The following PTPRD variants were observed in gnomAD, a reference collection of about 807,000 sequenced individuals.
The protein encoded by PTPRD is protein tyrosine phosphatase receptor type D, also known as receptor-type tyrosine-protein phosphatase delta.
In PTPRD, 34 loss-of-function variants were observed where a neutral mutation model predicts 214.5. The ratio of observed to expected loss-of-function variants is 0.16; its 90% CI spans 0.12 to 0.21. PTPRD has a LOEUF of 0.21. Ranked by LOEUF, PTPRD falls within the 10% of genes least tolerant of loss-of-function variation. The pLI, the probability that PTPRD is intolerant of heterozygous loss-of-function variation, is 1.00. For synonymous variants in PTPRD, 1,128 were observed against 845.7 expected (o/e 1.33, Z -5.79); for missense variants, 2,545 against 2,398.7 (o/e 1.06, Z -1.27).
intron 11 of PTPRD, among the ~76,000 whole-genome samples, chr9:8,966,369 CCAAAACAG>C (rs1396265646): frequency 2.0e-5 from 3 of 151,790 alleles, no homozygotes; most frequent in African/African-American, 7.3e-5. Flanking sequence ...TCTACAGTAA[CCAAAACAG>C]CATGGTACTG....
intron 9 of PTPRD, among the ~76,000 whole-genome samples, chr9:9,366,053 G>C (rs2057798983): frequency 6.6e-6 from 1 of 151,236 alleles, no homozygotes. Flanking sequence ...AAGTTCTGAG[G>C]CTACAAAAAT....
intron 39 of PTPRD, among the ~76,000 whole-genome samples, chr9:8,346,325 A>G (rs1344511843): frequency 2.0e-5 from 3 of 152,166 alleles, no homozygotes; most frequent in Non-Finnish European, 2.9e-5. Context: ...GGTAATATAT[A>G]AAACTCATTG....
chr9:10,432,260 G>T (rs1031256372), intron 2 of PTPRD, among the ~76,000 whole-genome samples: 1 of 134,226 alleles, frequency 7.5e-6, no homozygotes, highest in Non-Finnish European at 1.5e-5. Context: ...CACAGGAAGG[G>T]GAATATCACA....
At chr9:8,985,034 G>C (rs905370979) in intron 11 of PTPRD, among the ~76,000 whole-genome samples, 3 of 152,026 alleles carry the variant, frequency 2.0e-5, no homozygotes, top group African/African-American at 7.2e-5. Flanking sequence ...TTTCTTGCAA[G>C]CTCAATTTTT....
intron 35 of PTPRD, among the ~76,000 whole-genome samples, chr9:8,416,271 T>C (rs1375596890): frequency 6.6e-6 from 1 of 152,148 alleles, no homozygotes; most frequent in East Asian, 1.9e-4. Flanking sequence ...TTAAAATATA[T>C]ACATATGTAT....
At chr9:9,454,627 A>G (rs2092728398) in intron 8 of PTPRD, among the ~76,000 whole-genome samples, 1 of 151,766 alleles carries the variant, frequency 6.6e-6, no homozygotes, top group Non-Finnish European at 1.5e-5. Context: ...CTCACATGCC[A>G]AAACCAAGAA....
intron 25 of PTPRD, among the ~76,000 whole-genome samples, chr9:8,497,703 A>G (rs183839719): frequency 7.2e-5 from 11 of 152,364 alleles, no homozygotes; most frequent in Non-Finnish European, 1.2e-4. Flanking sequence ...AGAGTCAAGG[A>G]AAGTAAATGA....
intron 14 of PTPRD, among the ~76,000 whole-genome samples, chr9:8,553,377 G>T (rs554225040): frequency 6.6e-6 from 1 of 152,178 alleles, no homozygotes; most frequent in Admixed American, 6.5e-5. Context: ...GTGGGCCTGA[G>T]TCCCCTGGCG....
chr9:9,454,231 C>CA (rs1361803617), intron 8 of PTPRD, among the ~76,000 whole-genome samples: 2 of 151,496 alleles, frequency 1.3e-5, no homozygotes, highest in African/African-American at 2.4e-5. Flanking sequence ...TTCTGGGGAA[C>CA]AAAAAAAGCC....
chr9:8,654,921 T>G (rs538564041), intron 12 of PTPRD, among the ~76,000 whole-genome samples: 1 of 152,260 alleles, frequency 6.6e-6, no homozygotes, highest in African/African-American at 2.4e-5. Context: ...TCTGTTAGAC[T>G]TTCCCTGTAG....
At chr9:8,609,426 G>T (rs1032375084) in intron 14 of PTPRD, among the ~76,000 whole-genome samples, 1 of 152,162 alleles carries the variant, frequency 6.6e-6, no homozygotes, top group Non-Finnish European at 1.5e-5. Context: ...TTAGATTGAT[G>T]AGTTGTGAAA....
At chr9:9,749,848 G>T (rs1417064933) in intron 6 of PTPRD, among the ~76,000 whole-genome samples, 1 of 152,102 alleles carries the variant, frequency 6.6e-6, no homozygotes, top group Non-Finnish European at 1.5e-5. Context: ...AAAAGAGGAG[G>T]AAGAAAGAAA....
At chr9:9,431,221 AC>A (rs199639412) in intron 8 of PTPRD, among the ~76,000 whole-genome samples, 9,961 of 152,182 alleles carry the variant, frequency 0.065, 356 homozygotes, top group Middle Eastern at 0.17. Context: ...AAATCAAACA[AC>A]CCCGTCAAAA....
chr9:8,962,390 C>T lies in PTPRD; in HGVS notation c.-104+56307G>A, dbSNP rs536199569. ...CCACCTTGGGACTTTCCTATGAAAA[C>T]ATGCAGGACAGATTGTCTCTTTTCA... On this transcript the variant is annotated intron_variant, in intron 11 of 45. Coordinates refer to ENST00000381196, the MANE Select transcript of PTPRD (RefSeq NM_002839.4). Among the ~76,000 whole-genome samples the T allele has an allele frequency of 1.3e-4, 20 of 152,156 alleles. No homozygotes were observed. The South Asian group carries it at 4.1e-3, about 32-fold the overall frequency.
At chr9:8,982,379 G>C (rs952339891) in intron 11 of PTPRD, among the ~76,000 whole-genome samples, 9 of 151,694 alleles carry the variant, frequency 5.9e-5, no homozygotes, top group Non-Finnish European at 1.3e-4. Context: ...GTCTCATAAG[G>C]GAAGTCTTTC....
intron 8 of PTPRD, among the ~76,000 whole-genome samples, chr9:9,504,367 G>T (rs1590081816): frequency 6.6e-6 from 1 of 151,588 alleles, no homozygotes; most frequent in African/African-American, 2.4e-5. Context: ...GTTCTTAGTA[G>T]ATAATTCTTA....
intron 2 of PTPRD, among the ~76,000 whole-genome samples, chr9:10,514,500 A>AT (rs1170531300): frequency 6.6e-6 from 1 of 151,572 alleles, no homozygotes; most frequent in African/African-American, 2.4e-5. Context: ...AGGTGATTTG[A>AT]TTTTCTCTTA....
chr9:8,486,682 T>C (rs974117260), intron 27 of PTPRD, among the ~76,000 whole-genome samples: 1 of 152,206 alleles, frequency 6.6e-6, no homozygotes, highest in African/African-American at 2.4e-5. Flanking sequence ...TGAGCAAAGA[T>C]CAGCCAATTA....
chr9:9,690,840 G>C (rs1046846178), intron 7 of PTPRD, among the ~76,000 whole-genome samples: 3 of 151,062 alleles, frequency 2.0e-5, no homozygotes, highest in African/African-American at 4.9e-5. Context: ...TTTTATGCTA[G>C]TGCCATGCTG....
Sources: allele counts gnomAD v4.1 joint callset (sites outside exome capture counted in the v4.1 genomes callset), GRCh38; gene constraint gnomAD v4.1.1; transcripts MANE v1.5; gene names NCBI Gene and HGNC (gene_info 2026-07-23, HGNC 2026-07-21).